PTK7: variants seen among roughly 807,000 people sequenced by gnomAD.
The protein encoded by PTK7 is protein tyrosine kinase 7 (inactive).
A neutral mutation model predicts 116.6 loss-of-function variants in PTK7; 39 were observed. The ratio of observed to expected loss-of-function variants is 0.33; its 90% confidence interval spans 0.26 to 0.44. The LOEUF (loss-of-function observed/expected upper bound fraction) is 0.44. Ranked by LOEUF, PTK7 falls within the 20% of genes least tolerant of loss-of-function variation. PTK7 has a pLI of 1.00. For synonymous variants in PTK7, 546 were observed against 563.6 expected (o/e 0.97, Z 0.44); for missense variants, 1,169 against 1,425.6 (o/e 0.82, Z 2.90).
chr6:43,157,644 G>C (rs1205192217), intron 17 of PTK7, among the ~76,000 whole-genome samples: 1 of 151,980 alleles, frequency 6.6e-6, no homozygotes, highest in Non-Finnish European at 1.5e-5. Flanking sequence ...GCTTTGGGAA[G>C]CTAAGGCAGG....
intron 1 of PTK7, among the ~76,000 whole-genome samples, chr6:43,109,107 G>A (rs1295985417): frequency 6.6e-6 from 1 of 152,190 alleles, no homozygotes; most frequent in East Asian, 1.9e-4. Flanking sequence ...AAACCTATTT[G>A]ATGTGTTTTA....
chr6:43,156,983 T>C (rs1582228558), intron 17 of PTK7, among the ~76,000 whole-genome samples: 1 of 151,280 alleles, frequency 6.6e-6, no homozygotes, highest in African/African-American at 2.4e-5. Context: ...TTTTGTGTGC[T>C]TCCAGTTTTA....
Position 43,123,143 on chromosome 6 carries a change from C to T in PTK7, c.80-5834C>T, listed in dbSNP as rs150407292. 1.4e-4 allele frequency among the ~76,000 whole-genome samples: 21 copies of T among 151,340 alleles called. No individual in the cohort carries two copies. In the East Asian group the frequency reaches 1.6e-3, roughly 11 times the overall value. On this transcript the variant is annotated intron_variant, in intron 1 of 19. Transcript: ENST00000230419. ...TGGTCCTGAGACATCTGACGGATGG[C>T]GTTTTCTTTTACCATGTTGGCCAAG...
In PTK7 at chr6:43,154,163, TA is replaced by T. The variant is rs1209559775; in HGVS notation, c.2722-4651del. Among the ~76,000 whole-genome samples, 4 of 127,566 alleles carry T rather than the reference TA, an allele frequency of 3.1e-5. No individual in the cohort carries two copies. In the East Asian group the frequency reaches 6.0e-4, roughly 19 times the overall value. The allele number at this position is 127,566 out of a possible 152,430, so 83.7% of individuals were successfully genotyped here. On this transcript the variant is annotated intron_variant, in intron 17 of 19. Transcript: ENST00000230419. ...GGGTGACAGAGCAAGACTCAGTCTC[TA>T]AATAAATAAATAAATAAATAAATAA...
intron 1 of PTK7, among the ~76,000 whole-genome samples, chr6:43,078,795 A>G (rs1408407889): frequency 6.6e-6 from 1 of 152,032 alleles, no homozygotes; most frequent in African/African-American, 2.4e-5. Flanking sequence ...CTTAACCCCA[A>G]CCTCTTGTAC....
chr6:43,110,467 C>A (rs1420994029), intron 1 of PTK7, among the ~76,000 whole-genome samples: 1 of 151,788 alleles, frequency 6.6e-6, no homozygotes, highest in Non-Finnish European at 1.5e-5. Flanking sequence ...GGCTGGAGTA[C>A]AGTGGCGCAA....
intron 1 of PTK7, among the ~76,000 whole-genome samples, chr6:43,104,672 C>T (rs1206372076): frequency 6.6e-6 from 1 of 152,166 alleles, no homozygotes; most frequent in African/African-American, 2.4e-5. Context: ...AAGTGATCCG[C>T]TCACCTCAGC....
rs1442955941 is a variant in PTK7 at position 43,143,731 on chromosome 6, G to A, written c.2251+111G>A. 2.7e-5 allele frequency: 33 copies of A among 1,218,888 alleles called. No individual in the cohort carries two copies. The highest frequency in any genetic ancestry group is 3.7e-5 in the Non-Finnish European group (33 of 890,488). The allele number at this position is 1,218,888 out of a possible 1,614,324, so 75.5% of individuals were successfully genotyped here. Reference sequence around the variant, plus strand: ...CTGGAAACCGAGCGGCTGTTGCTGGGTCCTGGAGCTGGGACTGCCCCACCC... The same window carrying A: ...CTGGAAACCGAGCGGCTGTTGCTGGATCCTGGAGCTGGGACTGCCCCACCC... On this transcript the variant is annotated intron_variant, in intron 14 of 19. Coordinates refer to ENST00000230419, the MANE Select transcript of PTK7 (RefSeq NM_002821.5). This position sits in a 1 kb window ranked among gnomAD's most constrained non-coding sequence, Gnocchi z 4.2.
chr6:43,119,194 GA>G (rs1768806653), intron 1 of PTK7, among the ~76,000 whole-genome samples: 1 of 152,056 alleles, frequency 6.6e-6, no homozygotes, highest in African/African-American at 2.4e-5. Context: ...TCACCACCAG[GA>G]ATTTGGGGTG....
intron 1 of PTK7, among the ~76,000 whole-genome samples, chr6:43,102,704 A>T (rs1219127443): frequency 6.6e-6 from 1 of 152,178 alleles, no homozygotes; most frequent in Non-Finnish European, 1.5e-5. Context: ...ATTTCTGATT[A>T]AAAAAACAAA....
rs1354112021 is a variant in PTK7 at position 43,159,949 on chromosome 6, A to G, written c.3035A>G (p.Asp1012Gly). ...GAGATGCCCCATGGTGGGCAGGCAG[A>G]TGATGAAGTACTGGCAGGTAGGCAG... is the stretch of plus-strand genomic sequence containing the variant. ...HGEMPHGGQA[D>G]DEVLADLQAG... The change falls in exon 19 of 20, where the codon GAT (aspartate) becomes GGT (glycine). Residue 1012 changes from aspartate to glycine, a missense_variant. Asp to Gly is a moderately conservative substitution (Grantham distance 94). Around this residue, in one of 3 missense-constraint regions of PTK7, gnomAD observed 678 missense variants for 853.8 expected, o/e 0.79. Coordinates refer to ENST00000230419, the MANE Select transcript of PTK7 (RefSeq NM_002821.5). 1 of 1,613,950 alleles carries G rather than the reference A, an allele frequency of 6.2e-7. No homozygotes were observed. Among genetic ancestry groups the G allele is most frequent in the South Asian group, 1.1e-5 (1 of 91,048 alleles).
intron 17 of PTK7, among the ~76,000 whole-genome samples, chr6:43,156,544 G>T (rs972300818): frequency 6.6e-6 from 1 of 151,988 alleles, no homozygotes; most frequent in Non-Finnish European, 1.5e-5. Context: ...GGAGGGCGAG[G>T]CTGCAGTGAA....
intron 7 of PTK7, among the ~76,000 whole-genome samples, chr6:43,137,886 A>C (rs1039590497): frequency 5.9e-5 from 9 of 152,034 alleles, no homozygotes; most frequent in African/African-American, 2.2e-4. Context: ...GGCTCACTGC[A>C]ACCTCCACCT....
At chr6:43,154,569 A>G (rs1417665374) in intron 17 of PTK7, among the ~76,000 whole-genome samples, 2 of 151,858 alleles carry the variant, frequency 1.3e-5, no homozygotes, top group Non-Finnish European at 2.9e-5. Context: ...TTTTTCTTTA[A>G]TGCTGGCTAA....
At chr6:43,149,059 C>CAAAAAAAAAA (rs59033917) in intron 17 of PTK7, among the ~76,000 whole-genome samples, 1 of 69,834 alleles carries the variant, frequency 1.4e-5, no homozygotes, top group Non-Finnish European at 2.7e-5. Flanking sequence ...GACTTTGTCT[C>CAAAAAAAAAA]AAAAAAAAAA....
chr6:43,160,772 A>C lies in PTK7; in HGVS notation c.3104A>C (p.Lys1035Thr), dbSNP rs766918316. 2 of 1,614,130 alleles carry C rather than the reference A, an allele frequency of 1.2e-6. No homozygotes were observed. Among genetic ancestry groups the C allele is most frequent in the East Asian group, 4.5e-5 (2 of 44,880 alleles). ...RLPQPEGCPS[K>T]LYRLMQRCWA... ...CCTCAGCCCGAGGGCTGCCCTTCCA[A>C]ACTCTATCGGCTGATGCAGCGCTGC... Residue 1035 changes from lysine (K) to threonine (T), a missense_variant, in exon 20 of 20, where the codon AAA becomes ACA. Coordinates refer to ENST00000230419, the MANE Select transcript of PTK7 (RefSeq NM_002821.5).
Position 43,132,176 on chromosome 6 carries a change from G to A in PTK7, c.961+12G>A. Reference sequence around the variant, plus strand: ...ACTTCACCTAGCAGGTGAGTCTCTGGGTCTGGGGTGCTGATGTGGGAGGCT... The same window carrying A: ...ACTTCACCTAGCAGGTGAGTCTCTGAGTCTGGGGTGCTGATGTGGGAGGCT... On this transcript the variant is annotated intron_variant, in intron 6 of 19. Transcript: ENST00000230419. 2 of 1,598,532 alleles carry A rather than the reference G, an allele frequency of 1.3e-6. No individual in the cohort carries two copies. Among genetic ancestry groups the A allele is most frequent in the Non-Finnish European group, 1.7e-6 (2 of 1,169,696 alleles).
At position 43,143,175 on chromosome 6, in the gene PTK7, G is replaced by A. The variant is rs1030563734; in HGVS notation, c.2048-242G>A. The A allele has an allele frequency of 1.6e-5, 8 of 489,358 alleles. No individual in the cohort carries two copies. The highest frequency in any genetic ancestry group is 1.1e-4 in the Admixed American group (3 of 27,370). The allele number at this position is 489,358 out of a possible 1,614,324, so 30.3% of individuals were successfully genotyped here. ...CTTGACAGGTGTGCTTATCCGTGTC[G>A]CCTGTCTTGGCTTCCGATGCAAAGC... On this transcript the variant is annotated intron_variant, in intron 13 of 19. Transcript: ENST00000230419. This position sits in a 1 kb window ranked among gnomAD's most constrained non-coding sequence, Gnocchi z 4.2.
At chr6:43,077,637 C>T (rs1180843298) in intron 1 of PTK7, among the ~76,000 whole-genome samples, 2 of 152,230 alleles carry the variant, frequency 1.3e-5, no homozygotes, top group African/African-American at 2.4e-5. Flanking sequence ...CTCCACAACA[C>T]TCCTTGGTGG....
Sources: gnomAD v4.1 joint callset for allele counts (sites outside exome capture counted in the v4.1 genomes callset) on GRCh38, gnomAD v4.1.1 for gene constraint, gnomAD v4.1.1 regional missense constraint, Gnocchi (gnomAD v3.1) non-coding constraint, MANE v1.5 for transcripts, NCBI Gene and HGNC (gene_info 2026-07-23, HGNC 2026-07-21) for gene names.